Variants in FOXO3 observed in about 807,000 individuals in gnomAD.
FOXO3 encodes the protein forkhead box O3, also known as forkhead box protein O3.
Under a neutral mutation model 41.9 loss-of-function variants are expected in FOXO3, and 4 were observed. The ratio of observed to expected loss-of-function variants is 0.10; its 90% CI spans 0.05 to 0.22. The LOEUF is 0.22. Ranked by LOEUF, FOXO3 falls within the 10% of genes least tolerant of loss-of-function variation. The probability of loss-of-function intolerance (pLI) is 1.00; values close to 1 mark genes in which losing one functional copy is unlikely to be tolerated. For missense variants in FOXO3, 534 were observed against 906.8 expected, an observed-to-expected ratio of 0.59 and a Z score of 5.28; for synonymous variants, 318 against 389.3, an observed-to-expected ratio of 0.82 and a Z score of 2.16.
At chr6:108,619,358 C>T (rs529422250) in intron 1 of FOXO3, among the ~76,000 whole-genome samples, 1 of 152,380 alleles carries the variant, frequency 6.6e-6, no homozygotes, top group South Asian at 2.1e-4. Context: ...ATTGGCTCTT[C>T]TCATTCTTTA....
intron 1 of FOXO3, among the ~76,000 whole-genome samples, chr6:108,606,883 T>C (rs1258155240): frequency 6.6e-6 from 1 of 152,212 alleles, no homozygotes; most frequent in Non-Finnish European, 1.5e-5. Flanking sequence ...GGGGGTCCCA[T>C]AAAGATGCAG....
At chr6:108,672,968 C>T (rs138525895) in intron 2 of FOXO3, among the ~76,000 whole-genome samples, 124 of 152,150 alleles carry the variant, frequency 8.1e-4, no homozygotes, top group African/African-American at 2.7e-3. Flanking sequence ...ATTCTGAGGT[C>T]GAAATTTTCA....
At chr6:108,573,182 G>GC (rs1188078327) in intron 1 of FOXO3, among the ~76,000 whole-genome samples, 2 of 152,140 alleles carry the variant, frequency 1.3e-5, no homozygotes, top group African/African-American at 2.4e-5. Context: ...AGCTACTCGG[G>GC]AGGCTGAGGC....
intron 1 of FOXO3, among the ~76,000 whole-genome samples, chr6:108,611,378 G>A (rs1484336569): frequency 6.6e-6 from 1 of 152,180 alleles, no homozygotes; most frequent in African/African-American, 2.4e-5. Flanking sequence ...TGTGATAAAT[G>A]CCTAGGAGTA....
At chr6:108,560,774 C>T (rs930283173), upstream of FOXO3, 3 of 296,794 alleles carry the variant, frequency 1.0e-5, no homozygotes, top group Non-Finnish European at 1.8e-5. Flanking sequence ...GCGCGGCCGC[C>T]CCTCCCCCGG....
chr6:108,607,226 C>A lies in FOXO3; in HGVS notation c.621+45397C>A, dbSNP rs188466685. 1.9e-3 allele frequency among the ~76,000 whole-genome samples: 283 copies of A among 152,142 alleles called. 4 individuals are homozygous for A. The highest frequency in any genetic ancestry group is 4.7e-4 in the Non-Finnish European group (32 of 67,996). On this transcript the variant is annotated intron_variant, in intron 1 of 2. Coordinates refer to ENST00000406360, the MANE Select transcript of FOXO3 (RefSeq NM_001455.4). ...CAGCACTTTGGAAGGCCAAGGAGGG[C>A]AGATCACTTGAGCTCAGGAGTTCAA...
chr6:108,603,984 T>A (rs957767602), intron 1 of FOXO3, among the ~76,000 whole-genome samples: 2 of 152,154 alleles, frequency 1.3e-5, no homozygotes, highest in South Asian at 2.1e-4. Flanking sequence ...ACTATGAAAT[T>A]GCCTAGGAAT....
At chr6:108,634,657 G>C (rs1253406971) in intron 1 of FOXO3, among the ~76,000 whole-genome samples, 1 of 152,108 alleles carries the variant, frequency 6.6e-6, no homozygotes, top group East Asian at 1.9e-4. Flanking sequence ...TTGTTTCAGA[G>C]TGATTAGAGG....
At chr6:108,667,676 C>G (rs1779102486) in intron 2 of FOXO3, among the ~76,000 whole-genome samples, 1 of 152,196 alleles carries the variant, frequency 6.6e-6, no homozygotes, top group Non-Finnish European at 1.5e-5. Context: ...TAATAAATGA[C>G]TGCATTGAGG....
intron 1 of FOXO3, among the ~76,000 whole-genome samples, chr6:108,650,567 G>C (rs572331908): frequency 6.6e-6 from 1 of 152,310 alleles, no homozygotes; most frequent in African/African-American, 2.4e-5. Flanking sequence ...TGTACATGAA[G>C]TAGATTAGAG....
At chr6:108,633,722 C>T (rs898510436) in intron 1 of FOXO3, among the ~76,000 whole-genome samples, 1 of 151,912 alleles carries the variant, frequency 6.6e-6, no homozygotes, top group Non-Finnish European at 1.5e-5. Flanking sequence ...ATGATCTACT[C>T]TTTTTTGGTT....
At chr6:108,649,714 T>G (rs895262923) in intron 1 of FOXO3, among the ~76,000 whole-genome samples, 1 of 151,824 alleles carries the variant, frequency 6.6e-6, no homozygotes, top group Non-Finnish European at 1.5e-5. Flanking sequence ...ATCCACAAAT[T>G]AATATCAGGA....
intron 1 of FOXO3, among the ~76,000 whole-genome samples, chr6:108,611,701 T>G (rs1777369815): frequency 1.3e-5 from 2 of 152,142 alleles, no homozygotes; most frequent in African/African-American, 4.8e-5. Context: ...TTTGCCTTTT[T>G]TTTTTTTTTA....
At chr6:108,595,156 T>TC (rs1776843343) in intron 1 of FOXO3, among the ~76,000 whole-genome samples, 1 of 152,200 alleles carries the variant, frequency 6.6e-6, no homozygotes, top group Non-Finnish European at 1.5e-5. Flanking sequence ...TTGCAAAAAC[T>TC]CATCAAGCTA....
At chr6:108,625,725 C>T (rs1451346876) in intron 1 of FOXO3, among the ~76,000 whole-genome samples, 1 of 152,284 alleles carries the variant, frequency 6.6e-6, no homozygotes, top group South Asian at 2.1e-4. Context: ...CCCTACCCTC[C>T]CTACCACCTG....
At chr6:108,603,946 G>C (rs146938349) in intron 1 of FOXO3, among the ~76,000 whole-genome samples, 1 of 152,020 alleles carries the variant, frequency 6.6e-6, no homozygotes, top group African/African-American at 2.4e-5. Context: ...ATATCTATAG[G>C]TCCAGGAATT....
intron 1 of FOXO3, among the ~76,000 whole-genome samples, chr6:108,614,874 G>A (rs545967171): frequency 6.6e-6 from 1 of 151,916 alleles, no homozygotes; most frequent in South Asian, 2.1e-4. Flanking sequence ...GAGTTAGGTG[G>A]TTTTGTTTGG....
chr6:108,662,361 C>T (rs1372865785), intron 1 of FOXO3, among the ~76,000 whole-genome samples: 2 of 152,164 alleles, frequency 1.3e-5, no homozygotes, highest in Non-Finnish European at 2.9e-5. Context: ...TCAGTTTCTC[C>T]ACTCTAAAGT....
intron 2 of FOXO3, among the ~76,000 whole-genome samples, chr6:108,672,312 G>A (rs967950494): frequency 3.9e-5 from 6 of 152,134 alleles, no homozygotes; most frequent in African/African-American, 1.2e-4. Context: ...TACAATTTGA[G>A]GTTCAGAAAA....
Sources: gnomAD v4.1 joint callset for allele counts (sites outside exome capture counted in the v4.1 genomes callset) on GRCh38, gnomAD v4.1.1 for gene constraint, MANE v1.5 for transcripts, NCBI Gene and HGNC (gene_info 2026-07-23, HGNC 2026-07-21) for gene names.